Variants in SEC14L3 observed in about 807,000 individuals in gnomAD.
SEC14L3 encodes the protein SEC14 like lipid binding 3, also known as SEC14-like protein 3.
In SEC14L3, 56 loss-of-function variants were observed where a neutral mutation model predicts 57.4. The observed-to-expected ratio is 0.97, with a 90% CI of 0.79 to 1.22. SEC14L3 has a LOEUF of 1.22. Among genes scored for constraint, SEC14L3 ranks in the 50% most tolerant of loss-of-function variants. The probability of loss-of-function intolerance (pLI) is 0.00; values close to 1 mark genes in which losing one functional copy is unlikely to be tolerated. For synonymous variants in SEC14L3, 173 were observed against 194.4 expected (o/e 0.89, Z 0.92); for missense variants, 485 against 511.7 (o/e 0.95, Z 0.50).
In SEC14L3 at chr22:30,451,997, AAAAAAAAAAAAAG is replaced by A. The variant is rs1209911817; in HGVS notation, c.905-2766_905-2754del. On this transcript the variant is annotated intron_variant, in intron 12 of 12. Transcript: ENST00000403066. Reference sequence around the variant, plus strand: ...AGAGAGTAAGACTCCATCTCAAAAAAAAAAAAAAAAAAGAAAAAAGAAAAGAAAAGAAAAGAAA... The same window carrying A: ...AGAGAGTAAGACTCCATCTCAAAAAAAAAAAAGAAAAGAAAAGAAAAGAAA... Among the ~76,000 whole-genome samples the A allele has an allele frequency of 4.2e-5, 6 of 144,136 alleles. No homozygotes were observed. The South Asian group carries it at 8.7e-4, about 21-fold the overall frequency. The allele number at this position is 144,136 out of a possible 152,430, so 94.6% of individuals were successfully genotyped here.
chr22:30,460,430 C>T (rs1208180460), intron 11 of SEC14L3, among the ~76,000 whole-genome samples: 2 of 152,234 alleles, frequency 1.3e-5, no homozygotes, highest in Non-Finnish European at 2.9e-5. Context: ...CATGACGGGG[C>T]TGTGAAGGCA....
intron 8 of SEC14L3, 122 bp from the exon 9 acceptor site, chr22:30,462,314 A>G: frequency 1.4e-6 from 2 of 1,412,592 alleles, no homozygotes; most frequent in Non-Finnish European, 1.9e-6. Flanking sequence ...GCCAGGACCA[A>G]TTCCCCAGTG....
chr22:30,466,184 C>T lies in SEC14L3; in HGVS notation c.580+150G>A. 8.8e-6 allele frequency: 6 copies of T among 684,414 alleles called. 1 individual carries two copies. The highest frequency in any genetic ancestry group is 7.1e-5 in the Admixed American group (3 of 42,206). 42.4% of individuals were successfully genotyped at this position (684,414 alleles called of 1,614,324 possible). ...CCTAGAAGTTACCATTTATTGAGAA[C>T]TTACTCTATGCCAGGCATTCTAAGT... On this transcript the variant is annotated intron_variant, in intron 7 of 11. Coordinates refer to ENST00000215812, the MANE Select transcript of SEC14L3 (RefSeq NM_174975.5).
chr22:30,457,368 TA>T (rs1935136401), downstream of SEC14L3, among the ~76,000 whole-genome samples: 1 of 143,754 alleles, frequency 7.0e-6, no homozygotes, highest in South Asian at 2.2e-4. Context: ...GGATACATTT[TA>T]AGTATGTCTT....
downstream of SEC14L3, among the ~76,000 whole-genome samples, chr22:30,455,276 G>A (rs1173003596): frequency 3.0e-5 from 4 of 132,862 alleles, no homozygotes; most frequent in South Asian, 2.3e-4. Flanking sequence ...TATTTGAGAC[G>A]GAGTCTCTGT....
At chr22:30,449,152 T>C (rs1934932882) in exon 13 of SEC14L3, 2 of 1,550,616 alleles carry the variant, frequency 1.3e-6, no homozygotes, top group African/African-American at 2.7e-5. Context: ...TGGTATGCCA[T>C]CACTTGCGAG....
chr22:30,453,770 G>T (rs1935031507), intron 12 of SEC14L3, among the ~76,000 whole-genome samples: 1 of 152,158 alleles, frequency 6.6e-6, no homozygotes, highest in Non-Finnish European at 1.5e-5. Flanking sequence ...GGCCGTGGAA[G>T]AATTTTCCTC....
Position 30,468,514 on chromosome 22 carries a change from T to C in SEC14L3, c.417A>G (p.Thr139=). ...ERILHECDLQ[T]ERLGKKIETI... ...CACCTGGCCTGGACCTCACCCTCTC[T>C]GTCTGCAGGTCACACTCATGCAGGA... Residue 139 remains threonine (T), a synonymous_variant, in exon 5 of 12, where the codon ACA becomes ACG. Transcript: ENST00000215812. The C allele has an allele frequency of 6.2e-7, 1 of 1,610,390 alleles. No homozygotes were observed. Among genetic ancestry groups the C allele is most frequent in the Non-Finnish European group, 8.5e-7 (1 of 1,177,160 alleles).
At chr22:30,462,760 C>T (rs1209181259) in intron 8 of SEC14L3, among the ~76,000 whole-genome samples, 44 of 137,352 alleles carry the variant, frequency 3.2e-4, no homozygotes, top group Non-Finnish European at 5.1e-4. Flanking sequence ...TTTTTTGAGA[C>T]GGAGTCTTGC....
downstream of SEC14L3, among the ~76,000 whole-genome samples, chr22:30,457,377 CTTTT>C (rs60894978): frequency 0.053 from 7,288 of 136,638 alleles, 341 homozygotes; most frequent in South Asian, 0.083. Flanking sequence ...TTAAGTATGT[CTTTT>C]TTTTTTTTTT....
At chr22:30,448,132 C>T (rs2015166) in exon 13 of SEC14L3, 106,017 of 151,682 alleles carry the variant, frequency 0.7, 38,118 homozygotes, top group African/African-American at 0.86. Context: ...AAGGCCGCTC[C>T]GGGATAACCA....
rs770768664 is a variant in SEC14L3 at position 30,468,622 on chromosome 22, A to G, written c.309T>C (p.Ile103=). The part of the protein sequence containing the change: ...RDGCPVWYDI[I]GPLDPKGLLF... ...GCAACCCCTTGGGATCAAGTGGCCC[A>G]ATGATGTCATACCACACGGGGCAGC... The change falls in exon 5 of 12, where the codon ATT becomes ATC. Residue 103 remains isoleucine, a synonymous_variant. Transcript: ENST00000215812. The G allele has an allele frequency of 4.3e-6, 7 of 1,613,762 alleles. No individual in the cohort carries two copies. Among genetic ancestry groups the G allele is most frequent in the Non-Finnish European group, 5.9e-6 (7 of 1,179,948 alleles).
intron 12 of SEC14L3, among the ~76,000 whole-genome samples, chr22:30,453,537 C>T (rs1013531952): frequency 3.3e-5 from 5 of 152,120 alleles, no homozygotes; most frequent in Non-Finnish European, 7.3e-5. Context: ...CTTAGCCTCC[C>T]GAGTAGGTAG....
chr22:30,470,372 T>G, intron 2 of SEC14L3, 117 bp from the exon 3 acceptor site: 1 of 1,592,216 alleles, frequency 6.3e-7, no homozygotes, highest in South Asian at 1.1e-5. Flanking sequence ...CCTACCCCCT[T>G]CCCTCCTCTG....
exon 13 of SEC14L3, chr22:30,448,923 C>T: frequency 1.6e-6 from 1 of 629,686 alleles, no homozygotes; most frequent in Non-Finnish European, 2.7e-6. Context: ...TCCAAAACTT[C>T]TTTCCCTTCC....
At position 30,470,525 on chromosome 22, in the gene SEC14L3, GGAAA is replaced by G; in HGVS notation, c.108_111del (p.Leu38TyrfsTer41). On this transcript the variant is annotated frameshift_variant, in exon 2 of 12. Transcript: ENST00000215812. LOFTEE classifies it high-confidence loss of function. The stretch of plus-strand genomic sequence containing the variant: ...CCCTCACCTCGGAGCCAGCGTAGAA[GGAAA>G]TAATCATCAGGGTTGGGCAGGGCAG... The G allele has an allele frequency of 6.2e-7, 1 of 1,614,192 alleles. No individual in the cohort carries two copies. The highest frequency in any genetic ancestry group is 8.5e-7 in the Non-Finnish European group (1 of 1,180,040).
Position 30,462,166 on chromosome 22 carries a change from G to C in SEC14L3, c.691C>G (p.Leu231Val). 1 of 1,613,814 alleles carries C rather than the reference G, an allele frequency of 6.2e-7. No individual in the cohort carries two copies. The highest frequency in any genetic ancestry group is 8.5e-7 in the Non-Finnish European group (1 of 1,179,902). ...GCAGGCAGTTCCTCAGGACTGATGAGTTTCAGCAAACCTTCCTTCCAGTTA... is the reference window on the plus strand; with the variant it reads ...GCAGGCAGTTCCTCAGGACTGATGACTTTCAGCAAACCTTCCTTCCAGTTA... Reference protein sequence around the residue: ...GNNWKEGLLKLISPEELPAQF... With the variant: ...GNNWKEGLLKVISPEELPAQF... The change falls in exon 9 of 12, where the codon CTC becomes GTC. Residue 231 changes from leucine (L) to valine (V), a missense_variant. By Grantham distance (32) the Leu-to-Val change is conservative (BLOSUM62 1). Coordinates refer to ENST00000215812, the MANE Select transcript of SEC14L3 (RefSeq NM_174975.5).
rs79967334 is a variant in SEC14L3 at position 30,461,366 on chromosome 22, T to C, written c.1025A>G (p.Tyr342Cys). ...ATCCTCGGGCACCATGTGGGCGTTATAGCGCTGGCTGGGTAGAACATCTGT... is the reference window on the plus strand; with the variant it reads ...ATCCTCGGGCACCATGTGGGCGTTACAGCGCTGGCTGGGTAGAACATCTGT... ...EMTDVLPSQRYNAHMVPEDGN... is the reference protein window; with the variant it reads ...EMTDVLPSQRCNAHMVPEDGN... Residue 342 changes from tyrosine to cysteine, a missense_variant, in exon 11 of 12, where the codon TAT becomes TGT. Transcript: ENST00000215812. The C allele has an allele frequency of 3.6e-4, 587 of 1,613,800 alleles. 2 individuals carry two copies. The African/African-American group carries it at 5.8e-3, about 16-fold the overall frequency.
rs1935288906 is a variant in SEC14L3, at chr22:30,462,136, A to G, written c.721T>C (p.Phe241Leu). 4 of 1,614,156 alleles carry G rather than the reference A, an allele frequency of 2.5e-6. No individual in the cohort carries two copies. In the African/African-American group the frequency reaches 4.0e-5, roughly 16 times the overall value. ...LISPEELPAQ[F>L]GGTLTDPDGN... ...TCTGGGTCAGTCAGGGTGCCCCCAA[A>G]CTGGGCAGGCAGTTCCTCAGGACTG... is the stretch of plus-strand genomic sequence containing the variant. The change falls in exon 9 of 12, where the codon TTT becomes CTT. Residue 241 changes from phenylalanine (F) to leucine (L), a missense_variant. Physicochemically the swap from Phe to Leu is conservative, Grantham distance 22. Transcript: ENST00000215812.
Sources: allele counts gnomAD v4.1 joint callset (sites outside exome capture counted in the v4.1 genomes callset), GRCh38; gene constraint gnomAD v4.1.1; transcripts MANE v1.5; gene names NCBI Gene and HGNC (gene_info 2026-07-23, HGNC 2026-07-21).